The following ARHGEF7 variants were observed in gnomAD, a reference collection of about 807,000 sequenced individuals.
The protein encoded by ARHGEF7 is Rho guanine nucleotide exchange factor 7.
Under a neutral mutation model 109.8 loss-of-function variants are expected in ARHGEF7, and 33 were observed. The ratio of observed to expected loss-of-function variants is 0.30; its 90% CI spans 0.23 to 0.40. The LOEUF is 0.40. Ranked by LOEUF, ARHGEF7 falls within the 10% of genes least tolerant of loss-of-function variation. ARHGEF7 has a pLI of 1.00. For synonymous variants in ARHGEF7, 458 were observed against 424.6 expected (o/e 1.08, Z -0.97); for missense variants, 938 against 1,098.5 (o/e 0.85, Z 2.07).
intron 18 of ARHGEF7, among the ~76,000 whole-genome samples, chr13:111,290,726 G>A (rs1423255785): frequency 2.0e-5 from 3 of 152,206 alleles, no homozygotes; most frequent in African/African-American, 7.2e-5. Flanking sequence ...AGCATTGAAC[G>A]ATACATTGAT....
At chr13:111,224,435 A>G (rs2084913520) in intron 5 of ARHGEF7, among the ~76,000 whole-genome samples, 1 of 152,216 alleles carries the variant, frequency 6.6e-6, no homozygotes, top group Non-Finnish European at 1.5e-5. Context: ...ATGTGGACTC[A>G]GGCTTTTTTA....
intron 8 of ARHGEF7, among the ~76,000 whole-genome samples, chr13:111,245,811 A>G (rs2088733871): frequency 6.6e-6 from 1 of 152,258 alleles, no homozygotes; most frequent in Non-Finnish European, 1.5e-5. Flanking sequence ...ACATTTCCAT[A>G]GTCTAAAATA....
chr13:111,175,740 G>A (rs952754888), intron 2 of ARHGEF7, among the ~76,000 whole-genome samples: 1 of 152,212 alleles, frequency 6.6e-6, no homozygotes, highest in Non-Finnish European at 1.5e-5. Context: ...CAGGGGTTGA[G>A]TCTTTCTGAA....
chr13:111,287,393 C>T (rs902952244), intron 17 of ARHGEF7, among the ~76,000 whole-genome samples: 4 of 152,188 alleles, frequency 2.6e-5, no homozygotes, highest in Admixed American at 6.5e-5. Flanking sequence ...TGAGCTGGGC[C>T]GGGGGCCGGC....
At chr13:111,240,538 C>T (rs1217651639) in intron 6 of ARHGEF7, among the ~76,000 whole-genome samples, 3 of 151,634 alleles carry the variant, frequency 2.0e-5, no homozygotes, top group South Asian at 4.1e-4. Context: ...AACACTCCTT[C>T]CTCCTCCTCC....
At chr13:111,271,731 C>G (rs894483950) in intron 9 of ARHGEF7, among the ~76,000 whole-genome samples, 2 of 152,240 alleles carry the variant, frequency 1.3e-5, no homozygotes, top group Non-Finnish European at 2.9e-5. Flanking sequence ...ACAGCATCAA[C>G]ACGATGGGCA....
intron 1 of ARHGEF7, among the ~76,000 whole-genome samples, chr13:111,120,516 C>T (rs577476464): frequency 1.3e-5 from 2 of 152,256 alleles, no homozygotes; most frequent in African/African-American, 2.4e-5. Context: ...CACGCACACA[C>T]GCACACACAG....
At chr13:111,167,860 C>T (rs2077252897) in intron 2 of ARHGEF7, among the ~76,000 whole-genome samples, 1 of 152,228 alleles carries the variant, frequency 6.6e-6, no homozygotes, top group Non-Finnish European at 1.5e-5. Flanking sequence ...GGGGGCACCA[C>T]TGTGGTGGGC....
intron 1 of ARHGEF7, among the ~76,000 whole-genome samples, chr13:111,152,524 G>A (rs2075945185): frequency 1.3e-5 from 2 of 152,210 alleles, no homozygotes; most frequent in Non-Finnish European, 2.9e-5. Context: ...AAAGAAAAAA[G>A]CTTCATTTCA....
intron 1 of ARHGEF7, among the ~76,000 whole-genome samples, chr13:111,116,139 T>G (rs2066755311): frequency 7.0e-6 from 1 of 142,808 alleles, no homozygotes; most frequent in African/African-American, 2.4e-5. Flanking sequence ...CCTCCCAGGT[T>G]AATTGACCGG....
chr13:111,138,603 C>T (rs2075199927), intron 1 of ARHGEF7, among the ~76,000 whole-genome samples: 1 of 152,160 alleles, frequency 6.6e-6, no homozygotes, highest in South Asian at 2.1e-4. Flanking sequence ...GTTTTGCCAT[C>T]CTTAAATTGA....
intron 9 of ARHGEF7, among the ~76,000 whole-genome samples, chr13:111,271,631 C>G (rs936260139): frequency 6.6e-6 from 1 of 152,176 alleles, no homozygotes; most frequent in Admixed American, 6.5e-5. Flanking sequence ...CACTTGCTCT[C>G]GTGCGTGCGT....
intron 2 of ARHGEF7, among the ~76,000 whole-genome samples, chr13:111,199,402 A>G (rs1273669684): frequency 6.6e-6 from 1 of 152,208 alleles, no homozygotes; most frequent in Non-Finnish European, 1.5e-5. Flanking sequence ...GCTGTCCTGG[A>G]AACCACTGTG....
intron 3 of ARHGEF7, among the ~76,000 whole-genome samples, chr13:111,206,406 G>GCTGATGCTGATGCCC (rs1421266784): frequency 6.6e-6 from 1 of 152,140 alleles, no homozygotes; most frequent in East Asian, 1.9e-4. Context: ...TGCTGCTGCT[G>GCTGATGCTGATGCCC]CTGATGCTGA....
At chr13:111,241,476 T>C in intron 6 of ARHGEF7, 3 of 826,350 alleles carry the variant, frequency 3.6e-6, no homozygotes, top group Non-Finnish European at 5.6e-6. Flanking sequence ...TTGCATTGTT[T>C]GGTTGGGAGT....
intron 9 of ARHGEF7, 140 bp downstream of exon 9, chr13:111,267,810 G>C: frequency 9.5e-7 from 1 of 1,055,394 alleles, no homozygotes; most frequent in Non-Finnish European, 1.3e-6. Context: ...ATTAGTGCTT[G>C]AGAAGTACTG....
chr13:111,238,171 G>A (rs1463462610), intron 6 of ARHGEF7, among the ~76,000 whole-genome samples: 1 of 152,160 alleles, frequency 6.6e-6, no homozygotes, highest in Non-Finnish European at 1.5e-5. Context: ...TGTGCTTAGG[G>A]TGCCCTTGTT....
chr13:111,291,614 G>A (rs2093288429), intron 18 of ARHGEF7, among the ~76,000 whole-genome samples: 1 of 152,260 alleles, frequency 6.6e-6, no homozygotes, highest in African/African-American at 2.4e-5. Flanking sequence ...AAGCCCGTCA[G>A]AATTCCTTTG....
intron 2 of ARHGEF7, among the ~76,000 whole-genome samples, chr13:111,195,239 G>A (rs1371398564): frequency 6.6e-6 from 1 of 152,132 alleles, no homozygotes; most frequent in Non-Finnish European, 1.5e-5. Flanking sequence ...CAGACTTCAG[G>A]GTTGATTCCC....
Sources: gnomAD v4.1 joint callset for allele counts (sites outside exome capture counted in the v4.1 genomes callset) on GRCh38, gnomAD v4.1.1 for gene constraint, MANE v1.5 for transcripts, NCBI Gene and HGNC (gene_info 2026-07-23, HGNC 2026-07-21) for gene names.